The following SNTG2 variants were observed in gnomAD, a reference collection of about 807,000 sequenced individuals.
SNTG2 encodes syntrophin gamma 2.
Under a neutral mutation model 70.9 loss-of-function variants are expected in SNTG2, and 74 were observed. That is an observed-to-expected ratio of 1.04 (90% CI 0.86 to 1.27). The LOEUF (loss-of-function observed/expected upper bound fraction) is 1.27. Among genes scored for constraint, SNTG2 ranks in the 50% most tolerant of loss-of-function variants. SNTG2 has a pLI of 0.00. For synonymous variants in SNTG2, 278 were observed against 273.8 expected (o/e 1.02, Z -0.15); for missense variants, 717 against 690.7 (o/e 1.04, Z -0.43).
At chr2:1,219,621 G>A (rs968149575) in intron 9 of SNTG2, among the ~76,000 whole-genome samples, 1 of 151,720 alleles carries the variant, frequency 6.6e-6, no homozygotes, top group East Asian at 1.9e-4. Context: ...TTTTAGGCAG[G>A]CCTCAAATTG....
At chr2:1,191,943 G>A (rs1672620765) in intron 8 of SNTG2, among the ~76,000 whole-genome samples, 2 of 152,002 alleles carry the variant, frequency 1.3e-5, no homozygotes, top group Non-Finnish European at 2.9e-5. Flanking sequence ...TATTTAAAAT[G>A]TAGCTGATAG....
chr2:1,360,676 A>G (rs1661091279), intron 16 of SNTG2, among the ~76,000 whole-genome samples: 1 of 150,930 alleles, frequency 6.6e-6, no homozygotes, highest in Admixed American at 6.6e-5. Context: ...TCCCTAGGGG[A>G]TTTTCTTTCC....
At chr2:1,063,391 G>A (rs1442994909) in intron 1 of SNTG2, among the ~76,000 whole-genome samples, 1 of 152,132 alleles carries the variant, frequency 6.6e-6, no homozygotes, top group Admixed American at 6.5e-5. Context: ...AGAAGCAGGA[G>A]GCATTTGCAG....
At chr2:1,052,417 T>C (rs1451639046) in intron 1 of SNTG2, among the ~76,000 whole-genome samples, 1 of 152,222 alleles carries the variant, frequency 6.6e-6, no homozygotes, top group Admixed American at 6.5e-5. Context: ...TGCTATTTTC[T>C]TGTGTGCTTT....
At chr2:1,312,897 G>A (rs572562862) in intron 15 of SNTG2, among the ~76,000 whole-genome samples, 54 of 152,302 alleles carry the variant, frequency 3.5e-4, no homozygotes, top group African/African-American at 1.3e-3. Flanking sequence ...GGAAGACGAA[G>A]TGCAGACTTG....
chr2:1,339,157 C>T (rs1161091310), intron 16 of SNTG2, among the ~76,000 whole-genome samples: 4 of 152,170 alleles, frequency 2.6e-5, no homozygotes, highest in South Asian at 2.1e-4. Flanking sequence ...AGGGGACATC[C>T]GTGTGTCTTC....
At chr2:1,134,238 A>G (rs1293326528) in intron 4 of SNTG2, among the ~76,000 whole-genome samples, 1 of 152,162 alleles carries the variant, frequency 6.6e-6, no homozygotes, top group African/African-American at 2.4e-5. Flanking sequence ...AAGCTTCCAC[A>G]GTGTGGAAGG....
chr2:971,868 C>T (rs1445439403), intron 1 of SNTG2, among the ~76,000 whole-genome samples: 4 of 152,000 alleles, frequency 2.6e-5, no homozygotes, highest in Non-Finnish European at 5.9e-5. Context: ...TCTTTGTTCT[C>T]ATTAGTTTCA....
chr2:1,098,209 C>A lies in SNTG2; in HGVS notation c.224C>A (p.Thr75Lys), dbSNP rs747202660. 1.9e-6 allele frequency: 3 copies of A among 1,614,036 alleles called. No individual in the cohort carries two copies. The highest frequency in any genetic ancestry group is 1.7e-5 in the Admixed American group (1 of 60,026). ...AATGTTTTAAAGCGCAGAACTGTTA[C>A]ACTCCGCAGACAGCCAGTTGGCGGC... The part of the protein sequence containing the change: ...SHQGRNRRTV[T>K]LRRQPVGGLG... Residue 75 changes from threonine (T) to lysine (K), a missense_variant, in exon 3 of 17, where the codon ACA (threonine) becomes AAA (lysine). Thr to Lys is a moderately conservative substitution (Grantham distance 78). Coordinates refer to ENST00000308624, the MANE Select transcript of SNTG2 (RefSeq NM_018968.4).
chr2:1,178,586 T>C (rs1398638936), intron 8 of SNTG2, among the ~76,000 whole-genome samples: 2 of 152,164 alleles, frequency 1.3e-5, no homozygotes, highest in East Asian at 3.9e-4. Flanking sequence ...ATTGGTTATA[T>C]TTATGTGATG....
intron 14 of SNTG2, among the ~76,000 whole-genome samples, chr2:1,275,915 G>A (rs966350068): frequency 2.0e-5 from 3 of 152,192 alleles, no homozygotes; most frequent in Non-Finnish European, 2.9e-5. Flanking sequence ...CTGCTGCTAC[G>A]AAGAAAGTTC....
chr2:998,110 C>G (rs1661752603), intron 1 of SNTG2, among the ~76,000 whole-genome samples: 1 of 152,112 alleles, frequency 6.6e-6, no homozygotes, highest in African/African-American at 2.4e-5. Flanking sequence ...AGCCAGATGA[C>G]TCTACACAAC....
rs114390055 is a variant in SNTG2, at chr2:1,111,696, A to G, written c.325+13286A>G. Among the ~76,000 whole-genome samples, 838 of 152,392 alleles carry G rather than the reference A, an allele frequency of 5.5e-3. 6 individuals are homozygous for G. Among genetic ancestry groups the G allele is most frequent in the African/African-American group, 0.02 (814 of 41,592 alleles). On this transcript the variant is annotated intron_variant, in intron 4 of 16. Coordinates refer to ENST00000308624, the MANE Select transcript of SNTG2 (RefSeq NM_018968.4). ...AAGAATTTAGATTTCCCTGTTATCA[A>G]TGATAAATAATCTCCCAAGGCCACT...
intron 4 of SNTG2, among the ~76,000 whole-genome samples, chr2:1,101,618 G>T (rs755062639): frequency 1.5e-4 from 4 of 27,438 alleles, no homozygotes; most frequent in Non-Finnish European, 2.4e-4. Context: ...GTGCAGGAGG[G>T]CTGTGGGACT....
At chr2:1,204,201 C>G (rs1673482273) in intron 8 of SNTG2, among the ~76,000 whole-genome samples, 1 of 152,140 alleles carries the variant, frequency 6.6e-6, no homozygotes, top group African/African-American at 2.4e-5. Context: ...GGTAGAAATA[C>G]TCTGTTTCAT....
chr2:1,319,111 G>A (rs1298532244), intron 16 of SNTG2, among the ~76,000 whole-genome samples: 1 of 152,184 alleles, frequency 6.6e-6, no homozygotes, highest in African/African-American at 2.4e-5. Flanking sequence ...TTAGATTCAC[G>A]TGGGACACAG....
At chr2:1,310,826 G>C (rs1215889011) in intron 15 of SNTG2, among the ~76,000 whole-genome samples, 1 of 152,164 alleles carries the variant, frequency 6.6e-6, no homozygotes, top group Non-Finnish European at 1.5e-5. Flanking sequence ...AATCAATCCA[G>C]TCAACTTTTA....
At chr2:1,104,643 T>A (rs1247593473) in intron 4 of SNTG2, among the ~76,000 whole-genome samples, 3 of 152,208 alleles carry the variant, frequency 2.0e-5, no homozygotes, top group Non-Finnish European at 4.4e-5. Context: ...TGGGTCCTTT[T>A]GTCAGCGTGT....
At chr2:1,114,800 T>C (rs1666824138) in intron 4 of SNTG2, among the ~76,000 whole-genome samples, 1 of 152,132 alleles carries the variant, frequency 6.6e-6, no homozygotes, top group East Asian at 1.9e-4. Context: ...AAGGGAAGTT[T>C]AACCCTTATA....
Sources: gnomAD v4.1 joint callset for allele counts (sites outside exome capture counted in the v4.1 genomes callset) on GRCh38, gnomAD v4.1.1 for gene constraint, MANE v1.5 for transcripts, NCBI Gene and HGNC (gene_info 2026-07-23, HGNC 2026-07-21) for gene names.